OPHN1: variants seen among roughly 807,000 people sequenced by gnomAD.
The protein encoded by OPHN1 is oligophrenin 1.
A neutral mutation model predicts 60.7 loss-of-function variants in OPHN1; 11 were observed. That is an observed-to-expected ratio of 0.18 (90% CI 0.11 to 0.30). The LOEUF (loss-of-function observed/expected upper bound fraction) is 0.30, where lower values mean the gene tolerates loss of function less well. Ranked by LOEUF, OPHN1 falls within the 10% of genes least tolerant of loss-of-function variation. The pLI is 1.00. For synonymous variants in OPHN1, 226 were observed against 222.6 expected, an observed-to-expected ratio of 1.02 and a Z score of -0.14; for missense variants, 449 against 611.0, an observed-to-expected ratio of 0.73 and a Z score of 2.80.
rs1262640434 is a variant in OPHN1 at position 68,125,954 on chromosome X, T to TATATATATATACAC, written c.1277-6623_1277-6622insGTGTATATATATAT. 7.5e-4 allele frequency among the ~76,000 whole-genome samples: 42 copies of TATATATATATACAC among 55,829 alleles called. 6 individuals are homozygous for TATATATATATACAC. In the South Asian group the frequency reaches 0.061, roughly 82 times the overall value. The allele number at this position is 55,829 out of a possible 115,157, so 48.5% of individuals were successfully genotyped here. The stretch of plus-strand genomic sequence containing the variant: ...CAATATATATATATATATATATATA[T>TATATATATATACAC]ATACATACACACACACACACACACA... On this transcript the variant is annotated intron_variant, in intron 15 of 24. Transcript: ENST00000355520.
intron 15 of OPHN1, among the ~76,000 whole-genome samples, chrX:68,126,076 G>T (rs2077170601): frequency 9.5e-6 from 1 of 105,196 alleles, no homozygotes; most frequent in Admixed American, 1.0e-4. Context: ...ATGCAAGGAT[G>T]GTTCAACATA....
intron 6 of OPHN1, among the ~76,000 whole-genome samples, chrX:68,224,179 C>A (rs906788576): frequency 9.0e-6 from 1 of 111,565 alleles, no homozygotes; most frequent in Non-Finnish European, 1.9e-5. Flanking sequence ...GAAAAATCAC[C>A]AAGATAGACC....
intron 2 of OPHN1, among the ~76,000 whole-genome samples, chrX:68,317,376 A>AAAGGAAGGAAGG (rs771749142): frequency 7.5e-4 from 38 of 50,563 alleles, no homozygotes; most frequent in African/African-American, 2.8e-3. Context: ...AGAAAGAAAG[A>AAAGGAAGGAAGG]AAGGAAGGAA....
chrX:68,208,429 T>C (rs1226212436), intron 9 of OPHN1, among the ~76,000 whole-genome samples: 1 of 111,978 alleles, frequency 8.9e-6, no homozygotes, highest in Non-Finnish European at 1.9e-5. Flanking sequence ...CCACTCATCA[T>C]TCAAGTTCTA....
Position 68,064,191 on chromosome X carries a change from G to A in OPHN1, c.1835-14C>T. 1 of 1,199,664 alleles carries A rather than the reference G, an allele frequency of 8.3e-7. No individual in the cohort carries two copies. On this transcript the variant is annotated splice_polypyrimidine_tract_variant and intron_variant, in intron 20 of 24. Coordinates refer to ENST00000355520, the MANE Select transcript of OPHN1 (RefSeq NM_002547.3). ...GTTGGATTTCATCTAGGAAAAGTTG[G>A]TGCCAAGAGGGAAGATTAATGATAA...
intron 21 of OPHN1, among the ~76,000 whole-genome samples, chrX:68,062,830 C>A (rs2147358551): frequency 9.0e-6 from 1 of 111,620 alleles, no homozygotes; most frequent in African/African-American, 3.3e-5. Flanking sequence ...GAATTGTGTC[C>A]CCTAAAACTC....
chrX:68,430,598 G>A (rs1340709626), intron 2 of OPHN1, among the ~76,000 whole-genome samples: 2 of 111,382 alleles, frequency 1.8e-5, no homozygotes, highest in Non-Finnish European at 3.8e-5. Flanking sequence ...CAAGGTGGGT[G>A]GATTACCTGA....
At chrX:68,217,945 C>A (rs1292952461) in intron 6 of OPHN1, among the ~76,000 whole-genome samples, 210 of 81,231 alleles carry the variant, frequency 2.6e-3, no homozygotes, top group East Asian at 3.3e-3. Flanking sequence ...CTTTGACGAG[C>A]TGAGAGAAGA....
At chrX:68,050,052 T>C (rs1253148089) in intron 23 of OPHN1, among the ~76,000 whole-genome samples, 1 of 112,347 alleles carries the variant, frequency 8.9e-6, no homozygotes, top group Non-Finnish European at 1.9e-5. Flanking sequence ...ATCATCATTT[T>C]CATTAGAGAT....
chrX:68,171,288 T>C (rs866271298), intron 15 of OPHN1, among the ~76,000 whole-genome samples: 5 of 109,124 alleles, frequency 4.6e-5, no homozygotes, highest in Non-Finnish European at 7.6e-5. Context: ...TTAAAAAAAA[T>C]TTAAAAAAAT....
At chrX:68,393,853 G>A (rs1484023703) in intron 2 of OPHN1, among the ~76,000 whole-genome samples, 9 of 94,153 alleles carry the variant, frequency 9.6e-5, no homozygotes, top group African/African-American at 2.3e-4. Flanking sequence ...TCTTTTTTCC[G>A]AAATGGCTAT....
intron 15 of OPHN1, chrX:68,133,232 T>C: frequency 1.4e-6 from 1 of 706,809 alleles, no homozygotes. Flanking sequence ...AGGTTCCTCA[T>C]GGATGAAGAA....
At chrX:68,297,854 A>T (rs1409171624) in intron 3 of OPHN1, among the ~76,000 whole-genome samples, 4 of 111,562 alleles carry the variant, frequency 3.6e-5, no homozygotes, top group African/African-American at 1.3e-4. Context: ...TATATATTTA[A>T]TATGAACTAC....
intron 2 of OPHN1, among the ~76,000 whole-genome samples, chrX:68,354,613 G>T (rs1334960998): frequency 1.9e-5 from 2 of 107,806 alleles, no homozygotes; most frequent in Non-Finnish European, 3.8e-5. Context: ...AAAATAGCTG[G>T]GCGTGGTGGC....
chrX:68,207,180 G>A (rs2077563478), intron 9 of OPHN1, among the ~76,000 whole-genome samples: 1 of 106,064 alleles, frequency 9.4e-6, no homozygotes, highest in African/African-American at 3.5e-5. Flanking sequence ...CCAGGCTGGA[G>A]TGCAGTGGCG....
intron 3 of OPHN1, among the ~76,000 whole-genome samples, chrX:68,294,345 T>C (rs1274093805): frequency 9.3e-6 from 1 of 108,084 alleles, no homozygotes; most frequent in East Asian, 2.9e-4. Flanking sequence ...TATTTACGCA[T>C]GCCTGTAATC....
At chrX:68,190,738 G>T in intron 15 of OPHN1, among the ~76,000 whole-genome samples, 1 of 112,094 alleles carries the variant, frequency 8.9e-6, no homozygotes, top group Non-Finnish European at 1.9e-5. Context: ...ATTTTCAATA[G>T]TTCAATAGTT....
At chrX:68,096,395 G>A (rs1034464740) in intron 19 of OPHN1, among the ~76,000 whole-genome samples, 2 of 111,727 alleles carry the variant, frequency 1.8e-5, no homozygotes, top group Admixed American at 9.5e-5. Context: ...CATTTCTAAA[G>A]GTTCTTGTGT....
intron 15 of OPHN1, among the ~76,000 whole-genome samples, chrX:68,185,096 C>G (rs1260828698): frequency 1.8e-5 from 2 of 112,520 alleles, no homozygotes; most frequent in Non-Finnish European, 3.8e-5. Context: ...AATATGGCTT[C>G]CCATGGGAAA....
Sources: gnomAD v4.1 joint callset for allele counts (sites outside exome capture counted in the v4.1 genomes callset) on GRCh38, gnomAD v4.1.1 for gene constraint, MANE v1.5 for transcripts, NCBI Gene and HGNC (gene_info 2026-07-23, HGNC 2026-07-21) for gene names.